The following VAV3 variants were observed in gnomAD, a reference collection of about 807,000 sequenced individuals.
VAV3 encodes the protein vav guanine nucleotide exchange factor 3, also known as guanine nucleotide exchange factor VAV3.
In VAV3, 94 loss-of-function variants were observed where a neutral mutation model predicts 131.2. That is an observed-to-expected ratio of 0.72 (90% CI 0.61 to 0.85). VAV3 has a LOEUF of 0.85. Ranked by LOEUF, VAV3 falls within the 40% of genes least tolerant of loss-of-function variation. VAV3 has a pLI of 0.00. For synonymous variants in VAV3, 349 were observed against 342.0 expected, an observed-to-expected ratio of 1.02 and a Z score of -0.22; for missense variants, 939 against 1,002.7, an observed-to-expected ratio of 0.94 and a Z score of 0.86.
chr1:107,734,979 T>C (rs1301442558), intron 15 of VAV3, among the ~76,000 whole-genome samples: 1 of 152,130 alleles, frequency 6.6e-6, no homozygotes, highest in East Asian at 1.9e-4. Context: ...TCAGCAAATG[T>C]AAAAGAACAG....
chr1:107,597,793 T>C (rs1651508817), intron 24 of VAV3, among the ~76,000 whole-genome samples: 1 of 152,174 alleles, frequency 6.6e-6, no homozygotes, highest in African/African-American at 2.4e-5. Context: ...ATAAACCATT[T>C]CACAGATGAT....
intron 1 of VAV3, among the ~76,000 whole-genome samples, chr1:107,939,200 C>A (rs867034908): frequency 4.6e-5 from 7 of 152,038 alleles, no homozygotes; most frequent in Admixed American, 6.6e-5. Context: ...TAAATATAAA[C>A]CTTAGTTTTC....
intron 19 of VAV3, among the ~76,000 whole-genome samples, chr1:107,654,488 T>G (rs550858430): frequency 6.6e-6 from 1 of 152,208 alleles, no homozygotes; most frequent in South Asian, 2.1e-4. Context: ...TGTAAAATAT[T>G]TGAAATGTAG....
chr1:107,695,499 G>C (rs999849399), intron 17 of VAV3, among the ~76,000 whole-genome samples: 1 of 152,170 alleles, frequency 6.6e-6, no homozygotes, highest in Non-Finnish European at 1.5e-5. Context: ...TGAGTGTTTG[G>C]ATGGTGGGCC....
At chr1:107,602,998 A>T (rs1431317066) in intron 23 of VAV3, 49 bp downstream of exon 23, 1 of 1,486,752 alleles carries the variant, frequency 6.7e-7, no homozygotes, top group African/African-American at 1.4e-5. Flanking sequence ...GGTCTATGCA[A>T]TTATGAAAAC....
At chr1:107,597,446 C>T (rs908352626) in intron 24 of VAV3, among the ~76,000 whole-genome samples, 7 of 152,094 alleles carry the variant, frequency 4.6e-5, no homozygotes, top group Non-Finnish European at 8.8e-5. Flanking sequence ...CTTCAGAGGT[C>T]ACAGAGATTA....
intron 2 of VAV3, among the ~76,000 whole-genome samples, chr1:107,821,527 C>T (rs960357574): frequency 1.3e-5 from 2 of 152,108 alleles, no homozygotes; most frequent in Admixed American, 1.3e-4. Context: ...CGTGAACAAT[C>T]CAGGAAGAGC....
intron 11 of VAV3, among the ~76,000 whole-genome samples, chr1:107,755,844 G>T (rs537138775): frequency 1.7e-4 from 26 of 152,170 alleles, no homozygotes; most frequent in African/African-American, 6.0e-4. Flanking sequence ...TTCCAAGCAC[G>T]TTAATTACTG....
chr1:107,635,498 A>G (rs1411029161), intron 20 of VAV3, among the ~76,000 whole-genome samples: 2 of 151,394 alleles, frequency 1.3e-5, no homozygotes, highest in Admixed American at 6.6e-5. Context: ...GAGGGATAGC[A>G]TTAGGAAATA....
intron 21 of VAV3, among the ~76,000 whole-genome samples, chr1:107,616,745 C>G (rs1051607332): frequency 1.3e-5 from 2 of 152,052 alleles, no homozygotes; most frequent in African/African-American, 4.8e-5. Context: ...TCTCATGTTT[C>G]TAACAGTAAA....
intron 9 of VAV3, among the ~76,000 whole-genome samples, chr1:107,763,463 C>G (rs1005709758): frequency 1.3e-5 from 2 of 152,152 alleles, no homozygotes; most frequent in Non-Finnish European, 1.5e-5. Flanking sequence ...AATTTTATAT[C>G]TTTATTTTAA....
chr1:107,728,381 G>C (rs1661981027), intron 15 of VAV3, among the ~76,000 whole-genome samples: 2 of 152,102 alleles, frequency 1.3e-5, no homozygotes, highest in Admixed American at 1.3e-4. Flanking sequence ...TTACTCTGTA[G>C]AGGAAGTCTT....
intron 2 of VAV3, among the ~76,000 whole-genome samples, chr1:107,782,293 A>G (rs1570946031): frequency 1.3e-5 from 2 of 152,242 alleles, no homozygotes; most frequent in Middle Eastern, 6.8e-3. Context: ...TGCATTTTCT[A>G]TTCCTTTTCC....
chr1:107,863,643 C>T (rs1210075180), intron 2 of VAV3, among the ~76,000 whole-genome samples: 2 of 152,170 alleles, frequency 1.3e-5, no homozygotes, highest in African/African-American at 4.8e-5. Context: ...TCGGCACCTT[C>T]CTAAATAACT....
chr1:107,790,514 G>A lies in VAV3; in HGVS notation c.322-11022C>T, dbSNP rs190405664. Among the ~76,000 whole-genome samples, 62 of 152,300 alleles carry A rather than the reference G, an allele frequency of 4.1e-4. No homozygotes were observed. The East Asian group carries it at 9.9e-3, about 24-fold the overall frequency. ...CACACAGTGCCAGAGGAGAGGAGAA[G>A]AAGGAATATGTCTCCATCTAAGGGT... On this transcript the variant is annotated intron_variant, in intron 2 of 26. Transcript: ENST00000370056.
chr1:107,673,447 T>C (rs2101686720), intron 19 of VAV3: 1 of 152,520 alleles, frequency 6.6e-6, no homozygotes, highest in South Asian at 2.1e-4. Context: ...TGCAACCCTC[T>C]TCTCTCCATT....
At position 107,618,080 on chromosome 1, in the gene VAV3, T is replaced by C. The variant is rs183724187; in HGVS notation, c.1915-448A>G. On this transcript the variant is annotated intron_variant, in intron 20 of 26. Coordinates refer to ENST00000370056, the MANE Select transcript of VAV3 (RefSeq NM_006113.5). ...GATCCCTCACATGCGCAGTTCACAGTCAAGTCTGCGCTCCTATGAGAATCT... is the reference window on the plus strand; with the variant it reads ...GATCCCTCACATGCGCAGTTCACAGCCAAGTCTGCGCTCCTATGAGAATCT... Among the ~76,000 whole-genome samples the C allele has an allele frequency of 1.6e-3, 246 of 152,128 alleles. 3 individuals carry two copies. In the East Asian group the frequency reaches 0.038, roughly 24 times the overall value.
In VAV3 at chr1:107,691,128, T is replaced by C. The variant is rs572218938; in HGVS notation, c.1706-2722A>G. Reference sequence around the variant, plus strand: ...ATACCATTAAACAGACTGCCTCCTTTATAAACACAATCTAAACTGTCATAC... The same window carrying C: ...ATACCATTAAACAGACTGCCTCCTTCATAAACACAATCTAAACTGTCATAC... On this transcript the variant is annotated intron_variant, in intron 17 of 26. Transcript: ENST00000370056. Among the ~76,000 whole-genome samples the C allele has an allele frequency of 5.1e-4, 78 of 152,288 alleles. 1 individual carries two copies. Among genetic ancestry groups the C allele is most frequent in the Middle Eastern group, 3.4e-3 (1 of 294 alleles).
intron 2 of VAV3, among the ~76,000 whole-genome samples, chr1:107,822,589 A>T (rs1204730090): frequency 1.3e-5 from 2 of 151,920 alleles, no homozygotes; most frequent in Non-Finnish European, 2.9e-5. Flanking sequence ...TGGGAGGTAG[A>T]GCTTGCAGTA....
Sources: gnomAD v4.1 joint callset for allele counts (sites outside exome capture counted in the v4.1 genomes callset) on GRCh38, gnomAD v4.1.1 for gene constraint, MANE v1.5 for transcripts, NCBI Gene and HGNC (gene_info 2026-07-23, HGNC 2026-07-21) for gene names.